PEBP4: variants seen among roughly 807,000 people sequenced by gnomAD.
PEBP4 encodes phosphatidylethanolamine binding protein 4, also known as phosphatidylethanolamine-binding protein 4.
PEBP4 carries 22 observed loss-of-function variants against 23.9 expected under a neutral mutation model. The observed-to-expected ratio is 0.92, with a 90% confidence interval of 0.66 to 1.31. The LOEUF is 1.31. Among genes scored for constraint, PEBP4 ranks in the 40% most tolerant of loss-of-function variants. The pLI, the probability that PEBP4 is intolerant of heterozygous loss-of-function variation, is 0.00. For synonymous variants in PEBP4, 112 were observed against 99.3 expected (o/e 1.13, Z -0.76); for missense variants, 324 against 281.7 (o/e 1.15, Z -1.07).
chr8:22,909,627 C>T (rs1164743288), intron 3 of PEBP4, among the ~76,000 whole-genome samples: 3 of 152,114 alleles, frequency 2.0e-5, no homozygotes, highest in Admixed American at 1.3e-4. Flanking sequence ...TCAGGATGTT[C>T]GGGGTGTACT....
intron 3 of PEBP4, among the ~76,000 whole-genome samples, chr8:22,883,460 C>A (rs1808305709): frequency 6.6e-6 from 1 of 151,990 alleles, no homozygotes; most frequent in Non-Finnish European, 1.5e-5. Flanking sequence ...CTGGCCAGAT[C>A]TCAACCTCCC....
chr8:22,859,942 C>G (rs987138401), intron 3 of PEBP4, among the ~76,000 whole-genome samples: 2 of 151,374 alleles, frequency 1.3e-5, no homozygotes, highest in Non-Finnish European at 2.9e-5. Context: ...CATAGGGAGA[C>G]CCCATCCCTA....
At chr8:22,928,555 T>C (rs1563265358), upstream of PEBP4, among the ~76,000 whole-genome samples, 1 of 152,128 alleles carries the variant, frequency 6.6e-6, no homozygotes, top group East Asian at 1.9e-4. Flanking sequence ...TGCATTCCCT[T>C]GGGGAACAGT....
At chr8:22,904,380 C>T (rs184747398) in intron 3 of PEBP4, among the ~76,000 whole-genome samples, 14 of 152,324 alleles carry the variant, frequency 9.2e-5, no homozygotes, top group African/African-American at 3.1e-4. Context: ...AATCCAGCAC[C>T]AGCATTAACC....
chr8:22,729,167 G>C (rs565200688), intron 4 of PEBP4, among the ~76,000 whole-genome samples: 1 of 152,182 alleles, frequency 6.6e-6, no homozygotes, highest in Non-Finnish European at 1.5e-5. Context: ...TCTCCTTGCC[G>C]CCCATCTCTT....
intron 4 of PEBP4, among the ~76,000 whole-genome samples, chr8:22,811,650 G>A (rs755941398): frequency 3.3e-5 from 5 of 152,232 alleles, no homozygotes; most frequent in Non-Finnish European, 7.3e-5. Flanking sequence ...GGCCTGGGAC[G>A]GCTCCAGGGA....
intron 4 of PEBP4, among the ~76,000 whole-genome samples, chr8:22,739,156 T>C (rs1257931806): frequency 7.2e-6 from 1 of 138,876 alleles, no homozygotes; most frequent in East Asian, 2.6e-4. Flanking sequence ...CTGGGCTGTA[T>C]CCGAGCAGAG....
chr8:22,741,909 G>A (rs772210492), intron 4 of PEBP4, among the ~76,000 whole-genome samples: 11 of 152,170 alleles, frequency 7.2e-5, no homozygotes, highest in Non-Finnish European at 1.6e-4. Flanking sequence ...GCAGGGACAC[G>A]AGGAGATGGG....
At chr8:22,873,903 T>C (rs557630603) in intron 3 of PEBP4, among the ~76,000 whole-genome samples, 1 of 152,276 alleles carries the variant, frequency 6.6e-6, no homozygotes, top group South Asian at 2.1e-4. Flanking sequence ...TCAGGATTTG[T>C]AGGATTGGAG....
At chr8:22,851,109 G>A (rs901452696) in intron 3 of PEBP4, among the ~76,000 whole-genome samples, 4 of 152,158 alleles carry the variant, frequency 2.6e-5, no homozygotes, top group African/African-American at 9.7e-5. Flanking sequence ...AGCCTCTTTG[G>A]GACAACATCC....
chr8:22,911,659 A>G (rs769348732), intron 3 of PEBP4, among the ~76,000 whole-genome samples: 8 of 152,204 alleles, frequency 5.3e-5, no homozygotes, highest in Non-Finnish European at 1.2e-4. Flanking sequence ...AATGGCTCCC[A>G]CAAAGGCCGG....
intron 1 of PEBP4, among the ~76,000 whole-genome samples, chr8:22,935,277 T>C (rs2128783280): frequency 6.6e-6 from 1 of 152,126 alleles, no homozygotes; most frequent in South Asian, 2.1e-4. Context: ...TCCCAGCACT[T>C]TGGGAAGCCG....
intron 3 of PEBP4, among the ~76,000 whole-genome samples, chr8:22,866,367 A>T (rs996540043): frequency 3.3e-5 from 5 of 152,218 alleles, no homozygotes; most frequent in African/African-American, 9.6e-5. Flanking sequence ...ACCCAGCAAG[A>T]CGCTGAGGAC....
intron 4 of PEBP4, among the ~76,000 whole-genome samples, chr8:22,779,230 A>G (rs950924410): frequency 1.3e-5 from 2 of 152,160 alleles, no homozygotes; most frequent in Non-Finnish European, 2.9e-5. Flanking sequence ...CGTGGGGTTC[A>G]AGGTGACCCA....
At chr8:22,825,873 T>C (rs748428161) in intron 3 of PEBP4, among the ~76,000 whole-genome samples, 1 of 152,242 alleles carries the variant, frequency 6.6e-6, no homozygotes, top group Non-Finnish European at 1.5e-5. Flanking sequence ...GGAAATACTG[T>C]AGTTGGTGAC....
At chr8:22,810,669 G>GGT (rs60078589) in intron 4 of PEBP4, among the ~76,000 whole-genome samples, 15,894 of 128,744 alleles carry the variant, frequency 0.12, 1,101 homozygotes, top group Non-Finnish European at 0.17. Flanking sequence ...CTCATGGAGG[G>GGT]GTGTGTGTGT....
At chr8:22,894,574 C>T (rs1487643001) in intron 3 of PEBP4, among the ~76,000 whole-genome samples, 1 of 151,912 alleles carries the variant, frequency 6.6e-6, no homozygotes. Context: ...AGAGTGAGAC[C>T]CTGTCTCTAA....
intron 4 of PEBP4, among the ~76,000 whole-genome samples, chr8:22,799,695 C>T (rs184168168): frequency 7.4e-4 from 113 of 152,062 alleles, no homozygotes; most frequent in Admixed American, 1.5e-3. Context: ...TAATGCTATC[C>T]CTCCCCCGTC....
intron 4 of PEBP4, among the ~76,000 whole-genome samples, chr8:22,738,021 C>T (rs1034117437): frequency 3.3e-5 from 5 of 152,108 alleles, no homozygotes; most frequent in African/African-American, 7.2e-5. Context: ...GCCCATCCTG[C>T]GAAGTCTCCT....
Sources: allele counts gnomAD v4.1 joint callset (sites outside exome capture counted in the v4.1 genomes callset), GRCh38; gene constraint gnomAD v4.1.1; transcripts MANE v1.5; gene names NCBI Gene and HGNC (gene_info 2026-07-23, HGNC 2026-07-21).